TBC1D5: variants seen among roughly 807,000 people sequenced by gnomAD.
TBC1D5 encodes TBC1 domain family member 5.
TBC1D5 carries 75 observed loss-of-function variants against 100.3 expected under a neutral mutation model. The observed-to-expected ratio is 0.75, with a 90% CI of 0.62 to 0.91. TBC1D5 has a LOEUF of 0.91. TBC1D5 is among the 40% of genes least tolerant of loss of function. The pLI is 0.00. For missense variants in TBC1D5, 910 were observed against 942.4 expected (o/e 0.97, Z 0.45); for synonymous variants, 323 against 325.6 (o/e 0.99, Z 0.09).
chr3:17,243,651 T>C (rs1428372452), intron 16 of TBC1D5, among the ~76,000 whole-genome samples: 1 of 152,166 alleles, frequency 6.6e-6, no homozygotes, highest in East Asian at 1.9e-4. Context: ...TTAAAACTTT[T>C]TATAATTGCA....
At chr3:17,400,890 C>T (rs1298754057) in intron 8 of TBC1D5, among the ~76,000 whole-genome samples, 2 of 152,092 alleles carry the variant, frequency 1.3e-5, no homozygotes, top group Non-Finnish European at 2.9e-5. Context: ...GCCAGGGGCT[C>T]TTGGGGCCTT....
intron 1 of TBC1D5, among the ~76,000 whole-genome samples, chr3:17,733,946 A>G (rs1019645550): frequency 2.0e-5 from 3 of 152,200 alleles, no homozygotes; most frequent in Non-Finnish European, 4.4e-5. Context: ...TTAAGAAAAT[A>G]TATACAGCAT....
chr3:17,179,322 T>C (rs1357695962), intron 19 of TBC1D5, among the ~76,000 whole-genome samples: 1 of 152,246 alleles, frequency 6.6e-6, no homozygotes, highest in African/African-American at 2.4e-5. Flanking sequence ...AATTGCCCTA[T>C]TGAACATTTC....
chr3:17,676,803 G>C (rs1205533705), intron 1 of TBC1D5, among the ~76,000 whole-genome samples: 1 of 152,096 alleles, frequency 6.6e-6, no homozygotes, highest in Non-Finnish European at 1.5e-5. Flanking sequence ...CCAAAACAGA[G>C]ATATAGACCA....
chr3:17,613,875 A>C (rs895902986), intron 2 of TBC1D5, among the ~76,000 whole-genome samples: 1 of 152,174 alleles, frequency 6.6e-6, no homozygotes, highest in East Asian at 1.9e-4. Flanking sequence ...TGCTATGCAG[A>C]AGCTTTTTAG....
At chr3:17,578,612 G>A (rs2096672383) in intron 2 of TBC1D5, among the ~76,000 whole-genome samples, 1 of 151,908 alleles carries the variant, frequency 6.6e-6, no homozygotes, top group African/African-American at 2.4e-5. Context: ...TTGGCCTAAT[G>A]TCAAACATCA....
chr3:17,730,717 G>A (rs985745414), intron 1 of TBC1D5, among the ~76,000 whole-genome samples: 11 of 152,006 alleles, frequency 7.2e-5, no homozygotes, highest in East Asian at 1.9e-4. Flanking sequence ...TTTGTCACAC[G>A]GCAGTTAACA....
intron 1 of TBC1D5, among the ~76,000 whole-genome samples, chr3:17,709,476 A>T (rs905058940): frequency 3.9e-5 from 6 of 152,198 alleles, no homozygotes; most frequent in Non-Finnish European, 8.8e-5. Context: ...TTCCCTATAA[A>T]AATTAACTGC....
At chr3:17,595,445 C>T (rs2060501235) in intron 2 of TBC1D5, among the ~76,000 whole-genome samples, 1 of 152,130 alleles carries the variant, frequency 6.6e-6, no homozygotes, top group African/African-American at 2.4e-5. Context: ...ATTTTATAGT[C>T]TGGGAAACTC....
chr3:17,654,913 A>C (rs567380191), intron 1 of TBC1D5, among the ~76,000 whole-genome samples: 3 of 152,066 alleles, frequency 2.0e-5, no homozygotes, highest in African/African-American at 7.2e-5. Context: ...CGAGCAATTT[A>C]TCCATTTCTT....
chr3:17,664,218 C>T (rs546347985), intron 1 of TBC1D5, among the ~76,000 whole-genome samples: 1 of 152,070 alleles, frequency 6.6e-6, no homozygotes, highest in Non-Finnish European at 1.5e-5. Context: ...TACAGGCACA[C>T]ACCACCAGGC....
chr3:17,540,147 G>A (rs1194670228), intron 2 of TBC1D5, among the ~76,000 whole-genome samples: 4 of 152,182 alleles, frequency 2.6e-5, no homozygotes, highest in East Asian at 1.9e-4. Flanking sequence ...TTTCTTTGGA[G>A]AAATGTTTTT....
chr3:17,510,164 A>T (rs1381597409), intron 2 of TBC1D5, among the ~76,000 whole-genome samples: 1 of 152,064 alleles, frequency 6.6e-6, no homozygotes, highest in Non-Finnish European at 1.5e-5. Flanking sequence ...TTTATAGGAT[A>T]TGGTCTTCAC....
intron 19 of TBC1D5, among the ~76,000 whole-genome samples, chr3:17,170,472 T>C (rs147764852): frequency 5.8e-4 from 88 of 152,266 alleles, no homozygotes; most frequent in African/African-American, 2.1e-3. Flanking sequence ...CAGAAACCGA[T>C]GTAAGCTCTT....
intron 2 of TBC1D5, among the ~76,000 whole-genome samples, chr3:17,509,416 G>A (rs2095877598): frequency 6.6e-6 from 1 of 151,784 alleles, no homozygotes; most frequent in South Asian, 2.1e-4. Flanking sequence ...AAAAAAATAA[G>A]ATTTTAGCAA....
intron 1 of TBC1D5, among the ~76,000 whole-genome samples, chr3:17,728,135 C>G (rs1390160930): frequency 6.6e-6 from 1 of 152,158 alleles, no homozygotes; most frequent in Non-Finnish European, 1.5e-5. Flanking sequence ...AGCACACACA[C>G]GCATACCCAC....
At chr3:17,166,629 G>A in intron 21 of TBC1D5, 138 bp downstream of exon 22, 1 of 1,209,718 alleles carries the variant, frequency 8.3e-7, no homozygotes, top group Non-Finnish European at 1.1e-6. Context: ...CTGCACAGCT[G>A]TACACAGCAC....
At chr3:17,736,118 C>T (rs2076946412) in intron 1 of TBC1D5, among the ~76,000 whole-genome samples, 1 of 152,136 alleles carries the variant, frequency 6.6e-6, no homozygotes, top group Admixed American at 6.5e-5. Context: ...GAGTTACAAG[C>T]CCTGTGTTTA....
chr3:17,369,700 T>A (rs192913327), intron 13 of TBC1D5, among the ~76,000 whole-genome samples: 1 of 152,030 alleles, frequency 6.6e-6, no homozygotes, highest in Non-Finnish European at 1.5e-5. Context: ...AGAAAATACA[T>A]AGATGGGTAG....
Sources: allele counts gnomAD v4.1 joint callset (sites outside exome capture counted in the v4.1 genomes callset), GRCh38; gene constraint gnomAD v4.1.1; transcripts MANE v1.5; gene names NCBI Gene and HGNC (gene_info 2026-07-23, HGNC 2026-07-21).